Variants in TCF7L1 observed in about 807,000 individuals in gnomAD.
TCF7L1 encodes transcription factor 7-like 1.
A neutral mutation model predicts 63.7 loss-of-function variants in TCF7L1; 18 were observed. The ratio of observed to expected loss-of-function variants is 0.28; its 90% CI spans 0.20 to 0.42. The LOEUF (loss-of-function observed/expected upper bound fraction) is 0.42, where lower values mean the gene tolerates loss of function less well. Ranked by LOEUF, TCF7L1 falls within the 10% of genes least tolerant of loss-of-function variation. The probability of loss-of-function intolerance (pLI) is 1.00; values close to 1 mark genes in which losing one functional copy is unlikely to be tolerated. For missense variants in TCF7L1, 654 were observed against 779.3 expected, an observed-to-expected ratio of 0.84 and a Z score of 1.91; for synonymous variants, 355 against 340.9, an observed-to-expected ratio of 1.04 and a Z score of -0.46.
intron 3 of TCF7L1, among the ~76,000 whole-genome samples, chr2:85,259,207 G>A (rs1339393688): frequency 6.6e-6 from 1 of 152,238 alleles, no homozygotes; most frequent in Non-Finnish European, 1.5e-5. Context: ...GCTGCAGACT[G>A]ATGAGTGTTC....
intron 3 of TCF7L1, among the ~76,000 whole-genome samples, chr2:85,170,821 G>T (rs1467857716): frequency 1.3e-5 from 2 of 152,120 alleles, no homozygotes; most frequent in African/African-American, 2.4e-5. Context: ...GCCATTCCCC[G>T]ACTGGAACCA....
intron 3 of TCF7L1, among the ~76,000 whole-genome samples, chr2:85,267,547 G>A (rs1017743586): frequency 1.4e-4 from 21 of 151,544 alleles, no homozygotes; most frequent in African/African-American, 5.1e-4. Flanking sequence ...TACTCAGGAG[G>A]CTGAGGCAGG....
intron 3 of TCF7L1, among the ~76,000 whole-genome samples, chr2:85,151,052 C>T (rs562150729): frequency 2.0e-5 from 3 of 152,156 alleles, no homozygotes; most frequent in Non-Finnish European, 4.4e-5. Flanking sequence ...ATCTTGGGGT[C>T]TCTCATTTTT....
chr2:85,167,611 C>G (rs1479984074), intron 3 of TCF7L1, among the ~76,000 whole-genome samples: 1 of 152,090 alleles, frequency 6.6e-6, no homozygotes, highest in Non-Finnish European at 1.5e-5. Flanking sequence ...GCCTGTATTC[C>G]CCAGCACTTT....
intron 3 of TCF7L1, among the ~76,000 whole-genome samples, chr2:85,257,773 C>A (rs779655439): frequency 2.0e-5 from 3 of 152,188 alleles, no homozygotes; most frequent in Non-Finnish European, 4.4e-5. Context: ...CTGCTGCCCA[C>A]GTGGGGACTG....
At chr2:85,204,410 G>A (rs1460783433) in intron 3 of TCF7L1, among the ~76,000 whole-genome samples, 1 of 148,668 alleles carries the variant, frequency 6.7e-6, no homozygotes, top group East Asian at 2.0e-4. Context: ...TACCTTGTAA[G>A]CATTCCCATG....
intron 3 of TCF7L1, among the ~76,000 whole-genome samples, chr2:85,274,829 T>G (rs963969696): frequency 9.9e-5 from 15 of 152,176 alleles, no homozygotes; most frequent in Non-Finnish European, 2.1e-4. Context: ...AGAATACCAA[T>G]AACTTACACA....
intron 3 of TCF7L1, among the ~76,000 whole-genome samples, chr2:85,144,670 GC>G (rs1677826912): frequency 6.6e-6 from 1 of 151,582 alleles, no homozygotes; most frequent in South Asian, 2.1e-4. Flanking sequence ...TTTGGGAATT[GC>G]AGAGGGGATA....
chr2:85,218,645 G>T (rs1019170382), intron 3 of TCF7L1, among the ~76,000 whole-genome samples: 1 of 150,746 alleles, frequency 6.6e-6, no homozygotes, highest in Admixed American at 6.6e-5. Context: ...CCAATGGGGG[G>T]GGGAAAACTG....
intron 3 of TCF7L1, chr2:85,217,104 A>G (rs1217546914): frequency 5.3e-5 from 8 of 152,182 alleles, no homozygotes; most frequent in Non-Finnish European, 1.2e-4. Context: ...AATATGAGGC[A>G]TTGTTTAAGA....
intron 4 of TCF7L1, among the ~76,000 whole-genome samples, chr2:85,301,220 A>T (rs1376110695): frequency 3.3e-5 from 5 of 152,236 alleles, no homozygotes; most frequent in African/African-American, 1.2e-4. Context: ...GTTGTACAAG[A>T]GAAAACATTC....
At chr2:85,236,960 C>T (rs531254333) in intron 3 of TCF7L1, among the ~76,000 whole-genome samples, 3 of 152,312 alleles carry the variant, frequency 2.0e-5, no homozygotes, top group African/African-American at 7.2e-5. Context: ...CCCCAGGTCA[C>T]TGTCGTAAGC....
At chr2:85,170,934 C>T (rs77349012) in intron 3 of TCF7L1, among the ~76,000 whole-genome samples, 1,996 of 152,154 alleles carry the variant, frequency 0.013, 48 homozygotes, top group African/African-American at 0.045. Flanking sequence ...GTTCTGTAGC[C>T]GCTTGTCAAA....
chr2:85,200,201 T>C (rs1406471076), intron 3 of TCF7L1, among the ~76,000 whole-genome samples: 1 of 152,250 alleles, frequency 6.6e-6, no homozygotes, highest in Non-Finnish European at 1.5e-5. Flanking sequence ...TGGACAGTGC[T>C]GCTGTGAGCA....
At chr2:85,140,309 C>T (rs1208679704) in intron 3 of TCF7L1, among the ~76,000 whole-genome samples, 14 of 151,912 alleles carry the variant, frequency 9.2e-5, no homozygotes, top group Non-Finnish European at 1.8e-4. Flanking sequence ...ATTGGAGACA[C>T]GTTAGGTGTG....
intron 3 of TCF7L1, among the ~76,000 whole-genome samples, chr2:85,203,856 T>G (rs996497215): frequency 6.6e-6 from 1 of 152,092 alleles, no homozygotes; most frequent in Non-Finnish European, 1.5e-5. Flanking sequence ...TTAACAGTAT[T>G]GAAAACGATG....
intron 3 of TCF7L1, among the ~76,000 whole-genome samples, chr2:85,242,232 T>C (rs1329710558): frequency 6.9e-6 from 1 of 144,134 alleles, no homozygotes; most frequent in Non-Finnish European, 1.6e-5. Flanking sequence ...ACCCTATGGT[T>C]GCTGGCTTCC....
At chr2:85,190,272 C>T (rs1483319207) in intron 3 of TCF7L1, among the ~76,000 whole-genome samples, 4 of 152,146 alleles carry the variant, frequency 2.6e-5, no homozygotes, top group Non-Finnish European at 5.9e-5. Context: ...ACTGAAAAGA[C>T]TGGGCTCACC....
At chr2:85,232,267 C>T (rs149117329) in intron 3 of TCF7L1, among the ~76,000 whole-genome samples, 2 of 152,316 alleles carry the variant, frequency 1.3e-5, no homozygotes, top group African/African-American at 2.4e-5. Flanking sequence ...TTTTAAGTCT[C>T]TCTCAGGAAT....
Sources: gnomAD v4.1 joint callset for allele counts (sites outside exome capture counted in the v4.1 genomes callset) on GRCh38, gnomAD v4.1.1 for gene constraint, MANE v1.5 for transcripts, NCBI Gene and HGNC (gene_info 2026-07-23, HGNC 2026-07-21) for gene names.